NPRL3: variants seen among roughly 807,000 people sequenced by gnomAD.
The protein encoded by NPRL3 is GATOR1 complex protein NPRL3.
Under a neutral mutation model 57.2 loss-of-function variants are expected in NPRL3, and 23 were observed. The observed-to-expected ratio is 0.40, with a 90% CI of 0.29 to 0.57. The LOEUF (loss-of-function observed/expected upper bound fraction) is 0.57. NPRL3 is among the 20% of genes least tolerant of loss of function. The pLI, the probability that NPRL3 is intolerant of heterozygous loss-of-function variation, is 0.42. For synonymous variants in NPRL3, 333 were observed against 321.1 expected (o/e 1.04, Z -0.39); for missense variants, 691 against 767.1 (o/e 0.90, Z 1.17).
chr16:89,060 C>G, intron 12 of NPRL3, 170 bp from the exon 13 acceptor site: 2 of 640,198 alleles, frequency 3.1e-6, no homozygotes, highest in South Asian at 3.9e-5. Context: ...TGTGACACGC[C>G]CCTCATACGG....
intron 8 of NPRL3, 64 bp from the exon 9 acceptor site, chr16:98,365 A>G (rs1185218077): frequency 1.4e-5 from 21 of 1,535,366 alleles, no homozygotes; most frequent in Non-Finnish European, 8.8e-6. Context: ...GGTATGCACC[A>G]GGTCCTGCAC....
rs912988782 is a variant in NPRL3 at position 131,246 on chromosome 16, G to A, written c.119-655C>T. ...TGTAATCCCAGCACTTTGGGAGGCC[G>A]AGGCGGGTGGATCACGAAATCAGGA... On this transcript the variant is annotated intron_variant, in intron 2 of 13. Transcript: ENST00000611875. Among the ~76,000 whole-genome samples the A allele has an allele frequency of 5.3e-5, 8 of 152,248 alleles. No homozygotes were observed. The East Asian group carries it at 5.8e-4, about 11-fold the overall frequency.
chr16:93,339 G>T lies in NPRL3; in HGVS notation c.925-14C>A. On this transcript the variant is annotated splice_polypyrimidine_tract_variant and intron_variant, in intron 9 of 13. Coordinates refer to ENST00000611875, the MANE Select transcript of NPRL3 (RefSeq NM_001077350.3). ...AAGCTGGAAAACCTGCAGGCAAAAG[G>T]GAAGCTGCAAGGACCATGCCTGAGG... 2 of 1,526,508 alleles carry T rather than the reference G, an allele frequency of 1.3e-6. No individual in the cohort carries two copies. The highest frequency in any genetic ancestry group is 1.2e-5 in the South Asian group (1 of 83,522). 94.6% of individuals were successfully genotyped at this position (1,526,508 alleles called of 1,614,324 possible).
At chr16:94,193 C>T (rs1898887751) in intron 9 of NPRL3, among the ~76,000 whole-genome samples, 1 of 152,074 alleles carries the variant, frequency 6.6e-6, no homozygotes, top group African/African-American at 2.4e-5. Flanking sequence ...CAGCTTTGCT[C>T]TTGTGGACCC....
intron 10 of NPRL3, 54 bp from the exon 11 acceptor site, chr16:92,779 C>T: frequency 6.2e-7 from 1 of 1,600,610 alleles, no homozygotes; most frequent in Non-Finnish European, 8.5e-7. Context: ...ACCGTGTTCT[C>T]AACACTGGCC....
intron 8 of NPRL3, among the ~76,000 whole-genome samples, chr16:98,706 G>C (rs947324629): frequency 6.6e-6 from 1 of 152,270 alleles, no homozygotes; most frequent in African/African-American, 2.4e-5. Flanking sequence ...GGGAGGCCAA[G>C]GCAGGCAGGT....
chr16:93,226 C>T lies in NPRL3; in HGVS notation c.1024G>A (p.Val342Ile), dbSNP rs11558704. 30 of 1,549,520 alleles carry T rather than the reference C, an allele frequency of 1.9e-5. No homozygotes were observed. Among genetic ancestry groups the T allele is most frequent in the Middle Eastern group, 1.7e-4 (1 of 5,990 alleles). Reference sequence around the variant, plus strand: ...GCAGCCAGCAGCACTCACAGACATACGCTGGCATTGGGAGACAGCATGTAG... The same window carrying T: ...GCAGCCAGCAGCACTCACAGACATATGCTGGCATTGGGAGACAGCATGTAG... ...NVYMLSPNASVCLYSPLAEQF... is the reference protein window; with the variant it reads ...NVYMLSPNASICLYSPLAEQF... Residue 342 changes from valine (V) to isoleucine (I), a missense_variant, in exon 10 of 14, where the codon GTA (valine) becomes ATA (isoleucine). Val to Ile is a conservative substitution (Grantham distance 29). Coordinates refer to ENST00000611875, the MANE Select transcript of NPRL3 (RefSeq NM_001077350.3).
rs1394966439 is a variant in NPRL3, at chr16:85,606, A to G, written c.*1099T>C. 6 of 1,609,602 alleles carry G rather than the reference A, an allele frequency of 3.7e-6. No homozygotes were observed. The African/African-American group carries it at 5.3e-5, about 14-fold the overall frequency. ...GGGACCTGGCACAGGATGAAGCTGT[A>G]TGGCTGGAGCGTGGTCCCCTGGAGC... On this transcript the variant is annotated 3_prime_UTR_variant, in exon 14 of 14. Transcript: ENST00000611875.
chr16:113,503 T>C (rs1021071054), intron 5 of NPRL3, among the ~76,000 whole-genome samples: 2 of 152,182 alleles, frequency 1.3e-5, no homozygotes, highest in African/African-American at 4.8e-5. Flanking sequence ...CTCGACCCTC[T>C]GGAACCTATC....
At chr16:112,853 C>A in intron 5 of NPRL3, 78 bp from the exon 6 acceptor site, 1 of 1,345,438 alleles carries the variant, frequency 7.4e-7, no homozygotes, top group Non-Finnish European at 9.9e-7. Flanking sequence ...GGAGCTAACA[C>A]AGGTACACAG....
chr16:120,564 C>T (rs527913867), intron 3 of NPRL3, among the ~76,000 whole-genome samples: 13 of 152,306 alleles, frequency 8.5e-5, no homozygotes, highest in African/African-American at 3.1e-4. Flanking sequence ...CTGGCACGAC[C>T]CTCTAACCAT....
chr16:112,873 A>C, intron 5 of NPRL3, 98 bp from the exon 6 acceptor site: 7 of 1,194,100 alleles, frequency 5.9e-6, no homozygotes, highest in Non-Finnish European at 5.6e-6. Context: ...GCAAAAACTC[A>C]AACCATGAAA....
Position 100,435 on chromosome 16 carries a change from A to G in NPRL3, c.704T>C (p.Ile235Thr). ...LEVSFCLPHK[I>T]HYAASSLIPP... ...GATCAGACTGGAGGCCGCATAGTGGATCTTGTGGGGCAGGCAGAAGCTCAC... is the reference window on the plus strand; with the variant it reads ...GATCAGACTGGAGGCCGCATAGTGGGTCTTGTGGGGCAGGCAGAAGCTCAC... The change falls in exon 8 of 14, where the codon ATC becomes ACC. Residue 235 changes from isoleucine (I) to threonine (T), a missense_variant. Ile to Thr is a moderately conservative substitution (Grantham distance 89). Coordinates refer to ENST00000611875, the MANE Select transcript of NPRL3 (RefSeq NM_001077350.3). The G allele has an allele frequency of 6.2e-7, 1 of 1,605,492 alleles. No homozygotes were observed. Among genetic ancestry groups the G allele is most frequent in the Non-Finnish European group, 8.5e-7 (1 of 1,176,880 alleles).
At chr16:89,131 T>G (rs1349674503) in intron 12 of NPRL3, 1 of 533,774 alleles carries the variant, frequency 1.9e-6, no homozygotes, top group Non-Finnish European at 3.4e-6. Flanking sequence ...TGAACAGAGG[T>G]GCGATGTGTG....
chr16:95,375 AC>A (rs1567132361), intron 9 of NPRL3, among the ~76,000 whole-genome samples: 5 of 145,678 alleles, frequency 3.4e-5, no homozygotes, highest in South Asian at 2.2e-4. Flanking sequence ...ACACACACAC[AC>A]ACACACACAA....
rs367598130 is a variant in NPRL3, at chr16:86,772, C to A, written c.1643G>T (p.Arg548Leu). The change falls in exon 14 of 14, where the codon CGC becomes CTC. Residue 548 changes from arginine to leucine, a missense_variant. Coordinates refer to ENST00000611875, the MANE Select transcript of NPRL3 (RefSeq NM_001077350.3). The stretch of plus-strand genomic sequence containing the variant: ...GTGGGTGGTCACCACCAGCACGCTG[C>A]GGAACTTGTCAAACAGCATGAGCAG... ...SQLLMLFDKFRSVLVVTTHED... is the reference protein window; with the variant it reads ...SQLLMLFDKFLSVLVVTTHED... 8 of 1,601,314 alleles carry A rather than the reference C, an allele frequency of 5.0e-6. No homozygotes were observed. Among genetic ancestry groups the A allele is most frequent in the Admixed American group, 1.7e-5 (1 of 57,806 alleles).
At chr16:122,006 C>A (rs960109513) in intron 3 of NPRL3, among the ~76,000 whole-genome samples, 2 of 152,078 alleles carry the variant, frequency 1.3e-5, no homozygotes, top group Admixed American at 6.5e-5. Context: ...AACTCCTGAC[C>A]TCAGGTGATC....
intron 7 of NPRL3, among the ~76,000 whole-genome samples, chr16:100,816 C>CAAA (rs750848511): frequency 6.7e-6 from 1 of 148,288 alleles, no homozygotes; most frequent in Non-Finnish European, 1.5e-5. Flanking sequence ...ACTAAAAATA[C>CAAA]AAAAATTAGC....
At position 129,715 on chromosome 16, in the gene NPRL3, C is replaced by G. The variant is rs915811142; in HGVS notation, c.188+807G>C. 2.6e-5 allele frequency among the ~76,000 whole-genome samples: 4 copies of G among 152,156 alleles called. No individual in the cohort carries two copies. In the East Asian group the frequency reaches 7.7e-4, roughly 29 times the overall value. On this transcript the variant is annotated intron_variant, in intron 3 of 13. Transcript: ENST00000611875. ...ATTGCCATGGCAGGTGTGGTGCTGC[C>G]TTGTCAGAGAACTGCAGAGAAACAG...
Sources: gnomAD v4.1 joint callset for allele counts (sites outside exome capture counted in the v4.1 genomes callset) on GRCh38, gnomAD v4.1.1 for gene constraint, MANE v1.5 for transcripts, NCBI Gene and HGNC (gene_info 2026-07-23, HGNC 2026-07-21) for gene names.